Variants in TMTC4 observed in about 807,000 individuals in gnomAD.
TMTC4 encodes transmembrane O-mannosyltransferase targeting cadherins 4.
In TMTC4, 65 loss-of-function variants were observed where a neutral mutation model predicts 86.0. The ratio of observed to expected loss-of-function variants is 0.76; its 90% CI spans 0.62 to 0.93. TMTC4 has a LOEUF of 0.93. TMTC4 is among the 40% of genes least tolerant of loss of function. The probability of loss-of-function intolerance (pLI) is 0.00; values close to 1 mark genes in which losing one functional copy is unlikely to be tolerated. For synonymous variants in TMTC4, 379 were observed against 382.5 expected (o/e 0.99, Z 0.11); for missense variants, 866 against 948.1 (o/e 0.91, Z 1.14).
At chr13:100,623,519 C>T (rs968568129) in intron 15 of TMTC4, among the ~76,000 whole-genome samples, 10 of 152,318 alleles carry the variant, frequency 6.6e-5, no homozygotes, top group Admixed American at 2.6e-4. Flanking sequence ...AGGTATAAGC[C>T]ACTGTGCCCA....
rs759821891 is a variant in TMTC4, at chr13:100,636,555, G to C, written c.1179C>G (p.Cys393Trp). Residue 393 changes from cysteine to tryptophan, a missense_variant, in exon 10 of 19, where the codon TGC becomes TGG. Cys to Trp is a radical substitution (Grantham distance 215, BLOSUM62 -2). Coordinates refer to ENST00000342624, the MANE Select transcript of TMTC4 (RefSeq NM_032813.5). ...ACCTTCTCTTGTGGCCGTCTTCAGA[G>C]CACAGGGCTTGGCATATCAGGCCAA... ...CLIGLICQAL[C>W]SEDGHKRRIL... The C allele has an allele frequency of 6.2e-7, 1 of 1,614,218 alleles. No homozygotes were observed. The highest frequency in any genetic ancestry group is 1.7e-5 in the Admixed American group (1 of 60,032).
chr13:100,612,306 G>C (rs1877714842), intron 17 of TMTC4, 92 bp downstream of exon 17: 2 of 1,032,494 alleles, frequency 1.9e-6, no homozygotes, highest in South Asian at 3.1e-5. Context: ...GTTTTGGCCT[G>C]ATTCCTAATT....
Position 100,635,153 on chromosome 13 carries a change from G to A in TMTC4, c.1245C>T (p.Leu415=). The change falls in exon 11 of 19, where the codon CTC becomes CTT. Residue 415 remains leucine (L), a synonymous_variant. Coordinates refer to ENST00000342624, the MANE Select transcript of TMTC4 (RefSeq NM_032813.5). ...CTCGGAAGAACAGGTTACTCGCGGG[G>A]AGAAATGGGATAACGAGAAATCCCA... ...LGLGFLVIPF[L]PASNLFFRVG... 1 of 1,612,952 alleles carries A rather than the reference G, an allele frequency of 6.2e-7. No homozygotes were observed. Among genetic ancestry groups the A allele is most frequent in the Non-Finnish European group, 8.5e-7 (1 of 1,179,524 alleles).
At chr13:100,607,400 C>G (rs929209909) in intron 17 of TMTC4, among the ~76,000 whole-genome samples, 2 of 151,958 alleles carry the variant, frequency 1.3e-5, no homozygotes, top group African/African-American at 4.8e-5. Context: ...GCCTGTAATC[C>G]CAGCTACTTG....
intron 12 of TMTC4, among the ~76,000 whole-genome samples, chr13:100,628,626 G>A (rs149573919): frequency 1.3e-5 from 2 of 152,168 alleles, no homozygotes; most frequent in Non-Finnish European, 2.9e-5. Flanking sequence ...AATGAGGAAA[G>A]GATTTTCAAT....
chr13:100,624,749 A>C (rs1880184854), intron 15 of TMTC4, among the ~76,000 whole-genome samples: 2 of 152,236 alleles, frequency 1.3e-5, no homozygotes, highest in African/African-American at 4.8e-5. Flanking sequence ...CTATGGATGT[A>C]TTCCAGTTTG....
At chr13:100,633,421 C>T (rs1340939407) in intron 12 of TMTC4, among the ~76,000 whole-genome samples, 1 of 151,104 alleles carries the variant, frequency 6.6e-6, no homozygotes, top group Non-Finnish European at 1.5e-5. Context: ...ACAAATCCAG[C>T]AGATAGGTAT....
intron 3 of TMTC4, among the ~76,000 whole-genome samples, chr13:100,664,722 C>T (rs1263313974): frequency 6.6e-6 from 1 of 152,176 alleles, no homozygotes; most frequent in African/African-American, 2.4e-5. Flanking sequence ...CTCCCAGCTG[C>T]CTGGCTCTGC....
At position 100,604,819 on chromosome 13, in the gene TMTC4, G is replaced by A. The variant is rs947514901; in HGVS notation, c.*175C>T. ...CAATTTCAATGAAAAATCATATCAC[G>A]CATTCAAGAGTATATTGCTGGTGCT... On this transcript the variant is annotated 3_prime_UTR_variant, in exon 19 of 19. Transcript: ENST00000342624. 1.8e-5 allele frequency: 9 copies of A among 511,954 alleles called. No homozygotes were observed. The highest frequency in any genetic ancestry group is 4.1e-5 in the Admixed American group (1 of 24,342). The allele number at this position is 511,954 out of a possible 1,614,324, so 31.7% of individuals were successfully genotyped here.
chr13:100,622,824 T>C (rs961866369), intron 15 of TMTC4, among the ~76,000 whole-genome samples: 3 of 152,188 alleles, frequency 2.0e-5, no homozygotes, highest in South Asian at 2.1e-4. Context: ...ATGTGCACAA[T>C]GTGCAGGTTA....
At chr13:100,616,391 T>C (rs1594241756) in intron 15 of TMTC4, among the ~76,000 whole-genome samples, 2 of 152,086 alleles carry the variant, frequency 1.3e-5, no homozygotes, top group Non-Finnish European at 2.9e-5. Context: ...TTAGTAGAGA[T>C]GGGCTTTCAC....
chr13:100,674,375 C>G (rs1887556399), intron 1 of TMTC4: 3 of 968,910 alleles, frequency 3.1e-6, no homozygotes, highest in Admixed American at 6.4e-5. Flanking sequence ...GCTCCGGGGA[C>G]GCGCCGCAGG....
intron 17 of TMTC4, among the ~76,000 whole-genome samples, chr13:100,607,341 A>G (rs1276256589): frequency 6.6e-6 from 1 of 152,066 alleles, no homozygotes; most frequent in African/African-American, 2.4e-5. Flanking sequence ...ACATGGTGAA[A>G]ACCCGTCTCT....
At chr13:100,618,691 C>G (rs1878959007) in intron 15 of TMTC4, among the ~76,000 whole-genome samples, 1 of 152,036 alleles carries the variant, frequency 6.6e-6, no homozygotes, top group Non-Finnish European at 1.5e-5. Context: ...GGTGATGATT[C>G]TTAACGAGCA....
At chr13:100,630,831 C>G (rs900767396) in intron 12 of TMTC4, among the ~76,000 whole-genome samples, 6 of 152,082 alleles carry the variant, frequency 3.9e-5, no homozygotes, top group Non-Finnish European at 8.8e-5. Flanking sequence ...ATGCCAGAGA[C>G]CAGAAGATCA....
rs1375554883 is a variant in TMTC4, at chr13:100,625,904, G to GA, written c.1587-13dup. On this transcript the variant is annotated splice_polypyrimidine_tract_variant and intron_variant, in intron 13 of 18. Coordinates refer to ENST00000342624, the MANE Select transcript of TMTC4 (RefSeq NM_032813.5). ...ACTTGGGATTTAATCTGAAAGTTGA[G>GA]AAAAAACCAAGCTGACCATTAAATG... 3 of 1,608,740 alleles carry GA rather than the reference G, an allele frequency of 1.9e-6. No homozygotes were observed. The highest frequency in any genetic ancestry group is 1.7e-5 in the Admixed American group (1 of 58,952).
In TMTC4 at chr13:100,654,442, A is replaced by T. The variant is rs555343984; in HGVS notation, c.640+1939T>A. ...ACTTTGCCTATTTCTCATGAGTCAA[A>T]GTGTTAATAATGGAACAGCCATCAC... On this transcript the variant is annotated intron_variant, in intron 6 of 18. Transcript: ENST00000342624. 3.6e-4 allele frequency among the ~76,000 whole-genome samples: 55 copies of T among 152,334 alleles called. No homozygotes were observed. The South Asian group carries it at 0.011, about 31-fold the overall frequency.
chr13:100,645,034 G>T (rs1883538238), intron 6 of TMTC4, among the ~76,000 whole-genome samples: 1 of 152,176 alleles, frequency 6.6e-6, no homozygotes, highest in East Asian at 1.9e-4. Context: ...GTCTGGTCCT[G>T]AACTCCTGAC....
Position 100,614,338 on chromosome 13 carries a change from C to G in TMTC4, c.1929G>C (p.Met643Ile), listed in dbSNP as rs1404210323. ...KPEHSLAWNN[M>I]IILLDNTGNL... is the part of the protein sequence containing the mutation. ...TACCTGTATTGTCGAGGAGTATAAT[C>G]ATGTTGTTCCAGGCCAGGCTGTGCT... The change falls in exon 16 of 19, where the codon ATG (methionine) becomes ATC (isoleucine). Residue 643 changes from methionine (M) to isoleucine (I), a missense_variant. Coordinates refer to ENST00000342624, the MANE Select transcript of TMTC4 (RefSeq NM_032813.5). 6.2e-7 allele frequency: 1 copy of G among 1,613,690 alleles called. No homozygotes were observed. Among genetic ancestry groups the G allele is most frequent in the Non-Finnish European group, 8.5e-7 (1 of 1,179,918 alleles).
Sources: allele counts gnomAD v4.1 joint callset (sites outside exome capture counted in the v4.1 genomes callset), GRCh38; gene constraint gnomAD v4.1.1; transcripts MANE v1.5; gene names NCBI Gene and HGNC (gene_info 2026-07-23, HGNC 2026-07-21).